EPB41L4B: variants seen among roughly 807,000 people sequenced by gnomAD.
EPB41L4B encodes the protein erythrocyte membrane protein band 4.1 like 4B.
Under a neutral mutation model 112.5 loss-of-function variants are expected in EPB41L4B, and 30 were observed. That is an observed-to-expected ratio of 0.27 (90% CI 0.20 to 0.36). The LOEUF (loss-of-function observed/expected upper bound fraction) is 0.36. Ranked by LOEUF, EPB41L4B falls within the 10% of genes least tolerant of loss-of-function variation. The pLI, the probability that EPB41L4B is intolerant of heterozygous loss-of-function variation, is 1.00. For synonymous variants in EPB41L4B, 408 were observed against 439.7 expected (o/e 0.93, Z 0.90); for missense variants, 1,024 against 1,133.3 (o/e 0.90, Z 1.38).
intron 14 of EPB41L4B, 25 bp from the exon 15 acceptor site, chr9:109,243,707 T>C (rs1447502103): frequency 6.2e-7 from 1 of 1,610,426 alleles, no homozygotes; most frequent in East Asian, 2.2e-5. Context: ...CCAAACTTGA[T>C]TATTTGATGA....
Position 109,203,740 on chromosome 9 carries a change from A to G in EPB41L4B, c.1879-10T>C, listed in dbSNP as rs1378221550. On this transcript the variant is annotated splice_polypyrimidine_tract_variant and intron_variant, in intron 18 of 25. Coordinates refer to ENST00000374566, the MANE Select transcript of EPB41L4B (RefSeq NM_019114.5). ...ATTCCTCCTTTCCACCCTGTTAAAG[A>G]AAGCATTCAGGTTAGTCAAAACTGA... 1 of 1,612,320 alleles carries G rather than the reference A, an allele frequency of 6.2e-7. No homozygotes were observed. The highest frequency in any genetic ancestry group is 1.1e-5 in the South Asian group (1 of 91,000).
intron 1 of EPB41L4B, among the ~76,000 whole-genome samples, chr9:109,289,697 G>A (rs775916050): frequency 1.2e-4 from 18 of 152,286 alleles, no homozygotes; most frequent in Non-Finnish European, 2.5e-4. Flanking sequence ...GGACATTGAC[G>A]TTTTGGAAGC....
intron 1 of EPB41L4B, among the ~76,000 whole-genome samples, chr9:109,306,260 G>A (rs1337813319): frequency 6.6e-6 from 1 of 152,182 alleles, no homozygotes; most frequent in Non-Finnish European, 1.5e-5. Context: ...AAGGGAAGGA[G>A]CCCTGTAAAA....
intron 15 of EPB41L4B, chr9:109,239,812 T>G: frequency 1.0e-6 from 1 of 985,404 alleles, no homozygotes; most frequent in Non-Finnish European, 1.2e-6. Context: ...TTTGGATGCC[T>G]TCCTGCCAGG....
chr9:109,284,498 G>C lies in EPB41L4B; in HGVS notation c.307-4577C>G, dbSNP rs559016481. ...CAGCATCATAGTTCACTGTAGCCTTGAACTCCTGGGCTCAAAGGATCCCCC... is the reference window on the plus strand; with the variant it reads ...CAGCATCATAGTTCACTGTAGCCTTCAACTCCTGGGCTCAAAGGATCCCCC... On this transcript the variant is annotated intron_variant, in intron 1 of 25. Coordinates refer to ENST00000374566, the MANE Select transcript of EPB41L4B (RefSeq NM_019114.5). Among the ~76,000 whole-genome samples, 4 of 152,256 alleles carry C rather than the reference G, an allele frequency of 2.6e-5. No homozygotes were observed. In the South Asian group the frequency reaches 6.2e-4, roughly 24 times the overall value.
intron 2 of EPB41L4B, 62 bp from the exon 3 acceptor site, chr9:109,268,495 C>A: frequency 7.0e-7 from 1 of 1,431,342 alleles, no homozygotes; most frequent in Non-Finnish European, 9.6e-7. Flanking sequence ...TCAGCCCTCA[C>A]AGTTACCCTC....
intron 20 of EPB41L4B, among the ~76,000 whole-genome samples, chr9:109,197,010 A>G (rs1307094731): frequency 6.6e-6 from 1 of 152,240 alleles, no homozygotes; most frequent in Non-Finnish European, 1.5e-5. Context: ...ATGTGTGCAC[A>G]CAAATCTGTA....
rs951691419 is a variant in EPB41L4B, at chr9:109,173,804, C to G, written c.*750G>C. ...AAATTTCTTCTGGTCAAGATTCTAT[C>G]AATACGACATGAATCGATCAACTTT... On this transcript the variant is annotated 3_prime_UTR_variant, in exon 26 of 26. Transcript: ENST00000374566. 2.4e-4 allele frequency: 36 copies of G among 152,676 alleles called. No homozygotes were observed. Among genetic ancestry groups the G allele is most frequent in the African/African-American group, 8.4e-4 (35 of 41,562 alleles). The allele number at this position is 152,676 out of a possible 1,614,324, so 9.5% of individuals were successfully genotyped here. A position where few individuals can be genotyped will look rare whatever the true frequency, so the allele number is the denominator to read the frequency against.
chr9:109,175,205 C>T (rs1474753713), intron 25 of EPB41L4B, among the ~76,000 whole-genome samples: 1 of 152,058 alleles, frequency 6.6e-6, no homozygotes, highest in Non-Finnish European at 1.5e-5. Context: ...GCATGAGCCA[C>T]CAAGCCCGGC....
chr9:109,175,294 T>C (rs1333623665), intron 25 of EPB41L4B, among the ~76,000 whole-genome samples: 1 of 152,120 alleles, frequency 6.6e-6, no homozygotes, highest in Non-Finnish European at 1.5e-5. Flanking sequence ...TTCATGTGCA[T>C]TTTCTCCCAG....
At chr9:109,295,026 T>C (rs1052344343) in intron 1 of EPB41L4B, among the ~76,000 whole-genome samples, 1 of 151,588 alleles carries the variant, frequency 6.6e-6, no homozygotes, top group South Asian at 2.1e-4. Flanking sequence ...ACAGAAAAAA[T>C]TACTCCAAAC....
chr9:109,243,023 C>CT (rs1424840189), intron 15 of EPB41L4B, among the ~76,000 whole-genome samples: 1 of 151,722 alleles, frequency 6.6e-6, no homozygotes, highest in African/African-American at 2.4e-5. Flanking sequence ...CAGCCATAGC[C>CT]TCTCATTTAT....
Position 109,263,079 on chromosome 9 carries a change from G to T in EPB41L4B, c.602C>A (p.Ala201Asp). The T allele has an allele frequency of 6.3e-7, 1 of 1,595,988 alleles. No homozygotes were observed. The highest frequency in any genetic ancestry group is 8.6e-7 in the Non-Finnish European group (1 of 1,167,992). ...TAGACAGAGAGCAGCTAATTCCACA[G>T]CTGTTTCATAAGGGCATTTCAATCT... ...SGKLKCPYET[A>D]VELAALCLQA... The change falls in exon 6 of 26, where the codon GCT becomes GAT. Residue 201 changes from alanine (A) to aspartate (D), a missense_variant. Ala to Asp is a moderately radical substitution (Grantham distance 126). Transcript: ENST00000374566.
At chr9:109,238,786 G>A (rs527964455) in intron 15 of EPB41L4B, among the ~76,000 whole-genome samples, 1 of 152,322 alleles carries the variant, frequency 6.6e-6, no homozygotes, top group South Asian at 2.1e-4. Context: ...CAGGAGTTAG[G>A]GGAAGGGATG....
Position 109,192,784 on chromosome 9 carries a change from G to A in EPB41L4B, c.2224-429C>T, listed in dbSNP as rs141457754. ...ATCTTCATGGCAGGTGATGGCATGT[G>A]GATTATGTTGCTTGCTTTTGGAAAA... On this transcript the variant is annotated intron_variant, in intron 21 of 25. Transcript: ENST00000374566. Among the ~76,000 whole-genome samples the A allele has an allele frequency of 3.4e-3, 524 of 152,310 alleles. 4 individuals are homozygous for A. The highest frequency in any genetic ancestry group is 0.012 in the African/African-American group (495 of 41,574).
At chr9:109,238,878 G>A (rs1487611503) in intron 15 of EPB41L4B, among the ~76,000 whole-genome samples, 1 of 152,212 alleles carries the variant, frequency 6.6e-6, no homozygotes, top group Non-Finnish European at 1.5e-5. Context: ...CACATGCCAG[G>A]AACCACAAGC....
chr9:109,266,846 G>A (rs565063103), intron 4 of EPB41L4B, among the ~76,000 whole-genome samples: 46 of 151,634 alleles, frequency 3.0e-4, no homozygotes, highest in Non-Finnish European at 6.2e-4. Context: ...GTGTGCGCCT[G>A]TAATCCCATC....
chr9:109,213,667 C>T (rs1290517520), intron 17 of EPB41L4B, 33 bp downstream of exon 17: 1 of 1,580,826 alleles, frequency 6.3e-7, no homozygotes, highest in Non-Finnish European at 8.7e-7. Flanking sequence ...AGCACCAAGT[C>T]CATGGTCATG....
intron 15 of EPB41L4B, among the ~76,000 whole-genome samples, chr9:109,220,043 C>T (rs989105394): frequency 2.0e-5 from 3 of 152,234 alleles, no homozygotes; most frequent in African/African-American, 7.2e-5. Flanking sequence ...GTTCCAGCCA[C>T]ACCTGAAGCT....
Sources: gnomAD v4.1 joint callset for allele counts (sites outside exome capture counted in the v4.1 genomes callset) on GRCh38, gnomAD v4.1.1 for gene constraint, MANE v1.5 for transcripts, NCBI Gene and HGNC (gene_info 2026-07-23, HGNC 2026-07-21) for gene names.